Variants in GCLM observed in about 807,000 individuals in gnomAD.
GCLM encodes glutamate-cysteine ligase modifier subunit, also known as glutamate--cysteine ligase regulatory subunit.
In GCLM, 15 loss-of-function variants were observed where a neutral mutation model predicts 36.0. That is an observed-to-expected ratio of 0.42 (90% CI 0.28 to 0.64). The LOEUF (loss-of-function observed/expected upper bound fraction) is 0.64, where lower values mean the gene tolerates loss of function less well. Ranked by LOEUF, GCLM falls within the 30% of genes least tolerant of loss-of-function variation. The pLI is 0.25. For missense variants in GCLM, 242 were observed against 325.5 expected (o/e 0.74, Z 1.97); for synonymous variants, 129 against 122.8 (o/e 1.05, Z -0.34).
chr1:93,898,303 G>GAAAAAAAAAAAAAAA lies in GCLM; in HGVS notation c.278-420_278-406dup, dbSNP rs58007552. Among the ~76,000 whole-genome samples, 43 of 16,430 alleles carry GAAAAAAAAAAAAAAA rather than the reference G, an allele frequency of 2.6e-3. 12 individuals carry two copies. Among genetic ancestry groups the GAAAAAAAAAAAAAAA allele is most frequent in the South Asian group, 6.1e-3 (2 of 326 alleles). 10.8% of individuals were successfully genotyped at this position (16,430 alleles called of 152,430 possible). On this transcript the variant is annotated intron_variant, in intron 3 of 6. Transcript: ENST00000370238. The stretch of plus-strand genomic sequence containing the variant: ...TTGAAAATGTAATGAGAAGAAAACT[G>GAAAAAAAAAAAAAAA]AAAAAAAAAAAAAAAAAAAAAAAAA...
Position 93,885,676 on chromosome 1 carries a change from A to C in GCLM, c.*3314T>G, listed in dbSNP as rs1029792361. On this transcript the variant is annotated 3_prime_UTR_variant, in exon 7 of 7. Transcript: ENST00000370238. ...AAAACACAAATGACACAAATGGTTT[A>C]AGTCTTCATTAAAACAAGCTTCACA... 2 of 152,222 alleles carry C rather than the reference A, an allele frequency of 1.3e-5. No individual in the cohort carries two copies. Among genetic ancestry groups the C allele is most frequent in the Non-Finnish European group, 2.9e-5 (2 of 68,016 alleles). 9.4% of individuals were successfully genotyped at this position (152,222 alleles called of 1,614,324 possible). A position where few individuals can be genotyped will look rare whatever the true frequency, so the allele number is the denominator to read the frequency against.
At chr1:93,892,913 G>GTTCC (rs1469776774) in intron 6 of GCLM, among the ~76,000 whole-genome samples, 1 of 152,062 alleles carries the variant, frequency 6.6e-6, no homozygotes, top group Non-Finnish European at 1.5e-5. Context: ...ACAGACACAT[G>GTTCC]ACATCTGCCA....
intron 6 of GCLM, among the ~76,000 whole-genome samples, chr1:93,891,005 T>C (rs1028097184): frequency 3.5e-4 from 53 of 152,018 alleles, no homozygotes; most frequent in African/African-American, 1.3e-3. Flanking sequence ...TTCTCCTGAG[T>C]AGCTAGGACT....
chr1:93,894,324 T>A (rs750136724), intron 6 of GCLM, among the ~76,000 whole-genome samples: 134 of 151,986 alleles, frequency 8.8e-4, no homozygotes, highest in Non-Finnish European at 1.7e-3. Flanking sequence ...TTATATATAT[T>A]ACTATTTAGA....
intron 5 of GCLM, among the ~76,000 whole-genome samples, chr1:93,896,072 C>G (rs1408607661): frequency 6.6e-6 from 1 of 150,858 alleles, no homozygotes. Flanking sequence ...AAGTGATTCT[C>G]CTGCCTCACC....
chr1:93,894,538 A>G lies in GCLM; in HGVS notation c.655+76T>C, dbSNP rs77237202. 6.2e-6 allele frequency: 5 copies of G among 801,748 alleles called. No individual in the cohort carries two copies. The East Asian group carries it at 9.9e-5, about 16-fold the overall frequency. The allele number at this position is 801,748 out of a possible 1,614,324, so 49.7% of individuals were successfully genotyped here. ...TATTTTTATCACTGTCCACATTTAA[A>G]ATTATGTATCAACAAATACCTTTTT... On this transcript the variant is annotated intron_variant, in intron 6 of 6. Transcript: ENST00000370238.
chr1:93,891,671 A>G (rs1656538983), intron 6 of GCLM, among the ~76,000 whole-genome samples: 1 of 152,194 alleles, frequency 6.6e-6, no homozygotes, highest in African/African-American at 2.4e-5. Context: ...TATTAAATGC[A>G]TCAATCAATA....
rs1640945668 is a variant in GCLM, at chr1:93,885,613, T to C, written c.*3377A>G. The C allele has an allele frequency of 3.3e-5, 5 of 152,192 alleles. No individual in the cohort carries two copies. In the South Asian group the frequency reaches 1.0e-3, roughly 31 times the overall value. The allele number at this position is 152,192 out of a possible 1,614,324, so 9.4% of individuals were successfully genotyped here. A position where few individuals can be genotyped will look rare whatever the true frequency, so the allele number is the denominator to read the frequency against. On this transcript the variant is annotated 3_prime_UTR_variant, in exon 7 of 7. Transcript: ENST00000370238. ...ATATTAGGAAGTTAATGATGAAAAA[T>C]ATAGGTTCAGAATTTTAATTTGGTG...
At chr1:93,894,038 G>C (rs1406236501) in intron 6 of GCLM, among the ~76,000 whole-genome samples, 1 of 152,062 alleles carries the variant, frequency 6.6e-6, no homozygotes, top group East Asian at 1.9e-4. Context: ...TGGGGGAATT[G>C]CTTGAGTCCA....
At chr1:93,903,179 T>C (rs947569960) in intron 2 of GCLM, among the ~76,000 whole-genome samples, 8 of 152,122 alleles carry the variant, frequency 5.3e-5, no homozygotes, top group Admixed American at 1.3e-4. Flanking sequence ...CATGCATAGG[T>C]CTGTGTGTGG....
chr1:93,901,602 T>G lies in GCLM; in HGVS notation c.260A>C (p.Glu87Ala). 3.8e-6 allele frequency: 6 copies of G among 1,564,092 alleles called. No homozygotes were observed. Among genetic ancestry groups the G allele is most frequent in the Non-Finnish European group, 5.3e-6 (6 of 1,136,448 alleles). The stretch of plus-strand genomic sequence containing the variant: ...GACTTTACCAGAAACTTTCATTTCT[T>G]CTCTTTCATCAGGATTTATCTTTTC... ...AVEKINPDER[E>A]EMKVSAKLFI... The change falls in exon 3 of 7, where the codon GAA (glutamate) becomes GCA (alanine). Residue 87 changes from glutamate to alanine, a missense_variant. Transcript: ENST00000370238.
intron 1 of GCLM, 38 bp downstream of exon 1, chr1:93,908,989 CGCCCGAGGCCT>C (rs1238064669): frequency 7.3e-6 from 10 of 1,376,240 alleles, no homozygotes; most frequent in Non-Finnish European, 9.4e-6. Flanking sequence ...CGCCCGGCCC[CGCCCGAGGCCT>C]GCCCCGGGAG....
intron 1 of GCLM, among the ~76,000 whole-genome samples, chr1:93,905,260 G>A (rs1176276750): frequency 6.6e-6 from 1 of 151,366 alleles, no homozygotes; most frequent in Non-Finnish European, 1.5e-5. Flanking sequence ...CAGGCTGTCT[G>A]ACTAGAATTC....
chr1:93,898,383 C>T (rs531982224), intron 3 of GCLM, among the ~76,000 whole-genome samples: 18 of 146,782 alleles, frequency 1.2e-4, no homozygotes, highest in Non-Finnish European at 1.9e-4. Flanking sequence ...ACACTATCTT[C>T]CAGTTTTTGG....
chr1:93,904,459 T>C, intron 2 of GCLM, 64 bp downstream of exon 2: 1 of 1,037,356 alleles, frequency 9.6e-7, no homozygotes, highest in Non-Finnish European at 1.5e-6. Flanking sequence ...CTGAAGAAAT[T>C]AACTTCCTGT....
In GCLM at chr1:93,909,084, T is replaced by C; in HGVS notation, c.80A>G (p.Asn27Ser). 6.8e-7 allele frequency: 1 copy of C among 1,474,106 alleles called. No homozygotes were observed. The highest frequency in any genetic ancestry group is 8.9e-7 in the Non-Finnish European group (1 of 1,118,130). 91.3% of individuals were successfully genotyped at this position (1,474,106 alleles called of 1,614,324 possible). A position where few individuals can be genotyped will look rare whatever the true frequency, so the allele number is the denominator to read the frequency against. Residue 27 changes from asparagine (N) to serine (S), a missense_variant, in exon 1 of 7, where the codon AAC becomes AGC. Physicochemically the swap from Asn to Ser is conservative, Grantham distance 46 (BLOSUM62 1). Transcript: ENST00000370238. Reference sequence around the variant, plus strand: ...GCACTTCTTCCGCAGGCGGCCCCAGTTCAGCAGGTTCCCCGTCTGCAGGTG... The same window carrying C: ...GCACTTCTTCCGCAGGCGGCCCCAGCTCAGCAGGTTCCCCGTCTGCAGGTG... ...TLHLQTGNLL[N>S]WGRLRKKCPS...
At chr1:93,897,517 A>AT (rs886106567) in intron 4 of GCLM, among the ~76,000 whole-genome samples, 202 of 142,906 alleles carry the variant, frequency 1.4e-3, no homozygotes, top group East Asian at 3.0e-3. Flanking sequence ...TTTTTTTTGG[A>AT]TTTTTTTTTT....
intron 1 of GCLM, among the ~76,000 whole-genome samples, chr1:93,907,241 G>A (rs1657177856): frequency 1.3e-5 from 2 of 152,062 alleles, no homozygotes; most frequent in African/African-American, 4.8e-5. Flanking sequence ...ATTCCTTCAA[G>A]TTTTCCTGAA....
intron 1 of GCLM, among the ~76,000 whole-genome samples, chr1:93,906,614 G>A (rs1009161278): frequency 6.6e-6 from 1 of 152,096 alleles, no homozygotes; most frequent in Non-Finnish European, 1.5e-5. Flanking sequence ...CAATTACGTA[G>A]GAAATTCATT....
Sources: gnomAD v4.1 joint callset for allele counts (sites outside exome capture counted in the v4.1 genomes callset) on GRCh38, gnomAD v4.1.1 for gene constraint, MANE v1.5 for transcripts, NCBI Gene and HGNC (gene_info 2026-07-23, HGNC 2026-07-21) for gene names.